Variants in ATG4B observed in about 807,000 individuals in gnomAD.
ATG4B encodes the protein autophagy related 4B cysteine peptidase, also known as cysteine protease ATG4B.
A neutral mutation model predicts 56.6 loss-of-function variants in ATG4B; 29 were observed. The ratio of observed to expected loss-of-function variants is 0.51; its 90% confidence interval spans 0.38 to 0.70. The LOEUF is 0.70. ATG4B is among the 30% of genes least tolerant of loss of function. The probability of loss-of-function intolerance (pLI) is 0.00; values close to 1 mark genes in which losing one functional copy is unlikely to be tolerated. For missense variants in ATG4B, 461 were observed against 515.5 expected (o/e 0.89, Z 1.02); for synonymous variants, 224 against 206.1 (o/e 1.09, Z -0.74).
chr2:241,644,040 C>G (rs2067990095), intron 1 of ATG4B, among the ~76,000 whole-genome samples: 1 of 152,104 alleles, frequency 6.6e-6, no homozygotes, highest in Non-Finnish European at 1.5e-5. Context: ...CTAAGTGGAT[C>G]TCATACATCT....
At chr2:241,665,338 C>T (rs1289547226) in intron 7 of ATG4B, among the ~76,000 whole-genome samples, 6 of 152,156 alleles carry the variant, frequency 3.9e-5, no homozygotes, top group South Asian at 2.1e-4. Flanking sequence ...AAAGAGGTGA[C>T]GCCACGACTC....
chr2:241,651,258 C>G lies in ATG4B; in HGVS notation c.113-6C>G, dbSNP rs2068221422. On this transcript the variant is annotated splice_polypyrimidine_tract_variant and splice_region_variant and intron_variant, in intron 2 of 12. Transcript: ENST00000404914. This position sits in a 1 kb window ranked among gnomAD's most constrained non-coding sequence, Gnocchi z 4.1. The stretch of plus-strand genomic sequence containing the variant: ...GTGTGTTTTTTTTCTTTTAAACAAC[C>G]TCTAGAAAAGGACGAGATCTTGTCT... 6.3e-7 allele frequency: 1 copy of G among 1,593,992 alleles called. No individual in the cohort carries two copies. Among genetic ancestry groups the G allele is most frequent in the Non-Finnish European group, 8.5e-7 (1 of 1,170,106 alleles).
At chr2:241,664,790 C>A (rs1357993717) in intron 7 of ATG4B, among the ~76,000 whole-genome samples, 1 of 152,232 alleles carries the variant, frequency 6.6e-6, no homozygotes, top group East Asian at 1.9e-4. Context: ...GTGGCAAAAC[C>A]CCGTCTCTAC....
intron 4 of ATG4B, among the ~76,000 whole-genome samples, chr2:241,653,920 G>A (rs1182982382): frequency 1.4e-5 from 2 of 147,134 alleles, no homozygotes; most frequent in Admixed American, 6.9e-5. Context: ...GAACCCAGGA[G>A]ATGGAGGCTG....
At position 241,668,768 on chromosome 2, in the gene ATG4B, G is replaced by GTTTTT; in HGVS notation, c.957+89_957+93dup. ...ACGAGGAAAACTTTCGGATTTTTGC[G>GTTTTT]TTTTTTTTTTCAGCATGTTGGGATA... On this transcript the variant is annotated intron_variant, in intron 10 of 12. Transcript: ENST00000404914. This position sits in a 1 kb window ranked among gnomAD's most constrained non-coding sequence, Gnocchi z 4.2. The GTTTTT allele has an allele frequency of 7.2e-7, 1 of 1,387,654 alleles. No individual in the cohort carries two copies. The allele number at this position is 1,387,654 out of a possible 1,614,324, so 86.0% of individuals were successfully genotyped here. A position where few individuals can be genotyped will look rare whatever the true frequency, so the allele number is the denominator to read the frequency against.
At position 241,654,558 on chromosome 2, in the gene ATG4B, C is replaced by T; in HGVS notation, c.296C>T (p.Thr99Ile). 4 of 1,595,076 alleles carry T rather than the reference C, an allele frequency of 2.5e-6. No homozygotes were observed. Among genetic ancestry groups the T allele is most frequent in the Non-Finnish European group, 3.4e-6 (4 of 1,170,952 alleles). Residue 99 changes from threonine to isoleucine, a missense_variant, in exon 5 of 13, where the codon ACA becomes ATA. Thr to Ile is a moderately conservative substitution (Grantham distance 89, BLOSUM62 -1). Coordinates refer to ENST00000404914, the MANE Select transcript of ATG4B (RefSeq NM_013325.5). ...TTTTTTCCAATAGATTGGAGGTGGA[C>T]ACAAAGGAAGAGGCAGCCAGACAGC... The part of the protein sequence containing the change: ...CRHLGRDWRW[T>I]QRKRQPDSYF...
chr2:241,643,610 A>G (rs1285676385), intron 1 of ATG4B, among the ~76,000 whole-genome samples: 1 of 149,558 alleles, frequency 6.7e-6, no homozygotes, highest in Non-Finnish European at 1.5e-5. Flanking sequence ...AAACATATAT[A>G]TACGTATATA....
intron 6 of ATG4B, among the ~76,000 whole-genome samples, chr2:241,657,009 CCTGGGCTGGAGTGCAGTGGT>C (rs200437192): frequency 0.024 from 3,544 of 146,218 alleles, 202 homozygotes; most frequent in East Asian, 0.19. Context: ...AGCTCAGTAG[CCTGGGCTGGAGTGCAGTGGT>C]GCAATCTTGG....
At position 241,673,831 on chromosome 2, in the gene ATG4B, AAAT is replaced by A. The variant is rs1256976003; in HGVS notation, c.*1573_*1575del. 2.1e-5 allele frequency: 9 copies of A among 428,256 alleles called. No individual in the cohort carries two copies. The highest frequency in any genetic ancestry group is 4.1e-5 in the African/African-American group (2 of 49,308). The allele number at this position is 428,256 out of a possible 1,614,324, so 26.5% of individuals were successfully genotyped here. ...AGTATAGTTTGCAATTCTTAATGGC[AAAT>A]AATAAGTTTCAGTAGAAAACAAACC... On this transcript the variant is annotated 3_prime_UTR_variant, in exon 13 of 13. Coordinates refer to ENST00000404914, the MANE Select transcript of ATG4B (RefSeq NM_013325.5).
rs141430583 is a variant in ATG4B, at chr2:241,641,818, G to C, written c.10+4094G>C. Among the ~76,000 whole-genome samples, 179 of 152,320 alleles carry C rather than the reference G, an allele frequency of 1.2e-3. 1 individual carries two copies. Among genetic ancestry groups the C allele is most frequent in the African/African-American group, 3.7e-3 (155 of 41,566 alleles). On this transcript the variant is annotated intron_variant, in intron 1 of 12. Coordinates refer to ENST00000404914, the MANE Select transcript of ATG4B (RefSeq NM_013325.5). Reference sequence around the variant, plus strand: ...GAAAGAAAAGAGGCCAAAGGCCTCTGCGGGTGTGGAGAGGTCCAGGAGGTG... The same window carrying C: ...GAAAGAAAAGAGGCCAAAGGCCTCTCCGGGTGTGGAGAGGTCCAGGAGGTG...
intron 8 of ATG4B, among the ~76,000 whole-genome samples, chr2:241,667,267 CAGGGCTGTGTG>C (rs1013057989): frequency 6.6e-6 from 1 of 152,058 alleles, no homozygotes; most frequent in African/African-American, 2.4e-5. Context: ...TGGGGATGGG[CAGGGCTGTGTG>C]AGGAGCTCCA....
Position 241,668,738 on chromosome 2 carries a change from G to A in ATG4B, c.957+53G>A, listed in dbSNP as rs755183038. The stretch of plus-strand genomic sequence containing the variant: ...GCATTTGGTGCTGAATGCTGTTTGG[G>A]AATGACGAGGAAAACTTTCGGATTT... On this transcript the variant is annotated intron_variant, in intron 10 of 12. Coordinates refer to ENST00000404914, the MANE Select transcript of ATG4B (RefSeq NM_013325.5). The surrounding 1 kb of genome is among the most constrained non-coding windows in gnomAD (Gnocchi z 4.2). 10 of 1,520,508 alleles carry A rather than the reference G, an allele frequency of 6.6e-6. No individual in the cohort carries two copies. In the African/African-American group the frequency reaches 1.1e-4, roughly 17 times the overall value. 94.2% of individuals were successfully genotyped at this position (1,520,508 alleles called of 1,614,324 possible). A position where few individuals can be genotyped will look rare whatever the true frequency, so the allele number is the denominator to read the frequency against.
At chr2:241,641,248 C>T (rs1482389418) in intron 1 of ATG4B, among the ~76,000 whole-genome samples, 1 of 152,184 alleles carries the variant, frequency 6.6e-6, no homozygotes, top group Non-Finnish European at 1.5e-5. Flanking sequence ...ATGGCCTGAG[C>T]TAAGCAACTC....
chr2:241,658,752 C>T (rs1238051584), intron 6 of ATG4B, among the ~76,000 whole-genome samples: 5 of 152,250 alleles, frequency 3.3e-5, no homozygotes, highest in Admixed American at 6.5e-5. Context: ...GCTGGGAGGC[C>T]TGCCTCAAAG....
chr2:241,650,015 C>T (rs1467545802), intron 1 of ATG4B, among the ~76,000 whole-genome samples: 1 of 152,136 alleles, frequency 6.6e-6, no homozygotes, highest in Admixed American at 6.5e-5. Flanking sequence ...AACTCCTGGC[C>T]TCAGGTGATC....
At chr2:241,657,492 A>G (rs1165034845) in intron 6 of ATG4B, among the ~76,000 whole-genome samples, 1 of 150,090 alleles carries the variant, frequency 6.7e-6, no homozygotes, top group Non-Finnish European at 1.5e-5. Flanking sequence ...TTTAGTGGAG[A>G]CAAGGTTTCA....
intron 8 of ATG4B, among the ~76,000 whole-genome samples, chr2:241,667,180 T>TC (rs2068805153): frequency 6.6e-6 from 1 of 151,734 alleles, no homozygotes. Context: ...CCCACCCCAC[T>TC]CCCCCACAGC....
chr2:241,663,602 C>T (rs2068658383), intron 7 of ATG4B, among the ~76,000 whole-genome samples: 1 of 152,098 alleles, frequency 6.6e-6, no homozygotes, highest in Non-Finnish European at 1.5e-5. Context: ...AAGCATACAA[C>T]TCAAGAATTC....
In ATG4B at chr2:241,653,531, G is replaced by A. The variant is rs370276793; in HGVS notation, c.204G>A (p.Ser68=). 6.8e-5 allele frequency: 107 copies of A among 1,582,724 alleles called. No homozygotes were observed. The highest frequency in any genetic ancestry group is 2.4e-4 in the Admixed American group (13 of 55,274). The part of the protein sequence containing the change: ...FPAIGGTGPT[S]DTGWGCMLRC... ...CGACAGGGGGGACAGGCCCCACCTC[G>A]GACACAGGCTGGGGCTGCATGCTGC... The change falls in exon 4 of 13, where the codon TCG becomes TCA. Residue 68 remains serine (S), a synonymous_variant. Coordinates refer to ENST00000404914, the MANE Select transcript of ATG4B (RefSeq NM_013325.5).
Sources: gnomAD v4.1 joint callset for allele counts (sites outside exome capture counted in the v4.1 genomes callset) on GRCh38, gnomAD v4.1.1 for gene constraint, Gnocchi (gnomAD v3.1) non-coding constraint, MANE v1.5 for transcripts, NCBI Gene and HGNC (gene_info 2026-07-23, HGNC 2026-07-21) for gene names.